WARS2: variants seen among roughly 807,000 people sequenced by gnomAD.
WARS2 encodes the protein tryptophanyl tRNA synthetase 2, mitochondrial.
A neutral mutation model predicts 36.5 loss-of-function variants in WARS2; 28 were observed. The ratio of observed to expected loss-of-function variants is 0.77; its 90% CI spans 0.57 to 1.05. WARS2 has a LOEUF of 1.05. Ranked by LOEUF, WARS2 falls within the 50% of genes least tolerant of loss-of-function variation. The pLI is 0.00. For missense variants in WARS2, 435 were observed against 456.8 expected, an observed-to-expected ratio of 0.95 and a Z score of 0.44; for synonymous variants, 174 against 178.4, an observed-to-expected ratio of 0.98 and a Z score of 0.20.
At chr1:119,042,404 A>C in intron 3 of WARS2, 55 bp from the exon 4 acceptor site, 1 of 1,519,048 alleles carries the variant, frequency 6.6e-7, no homozygotes, top group Non-Finnish European at 9.1e-7. Context: ...ACTTGAACCT[A>C]ATTATACTGC....
At chr1:119,085,625 A>G (rs1652591852) in intron 1 of WARS2, 1 of 1,440,746 alleles carries the variant, frequency 6.9e-7, no homozygotes, top group Non-Finnish European at 9.8e-7. Context: ...TAGACACATG[A>G]TCCACTCGGA....
At chr1:119,060,073 C>G (rs987468731) in intron 2 of WARS2, among the ~76,000 whole-genome samples, 1 of 152,124 alleles carries the variant, frequency 6.6e-6, no homozygotes, top group Non-Finnish European at 1.5e-5. Flanking sequence ...TGCACTTGTA[C>G]TCCTGAACTT....
chr1:119,139,486 T>C (rs1656778362), intron 1 of WARS2, among the ~76,000 whole-genome samples: 1 of 152,198 alleles, frequency 6.6e-6, no homozygotes, highest in African/African-American at 2.4e-5. Flanking sequence ...TGTCAATCAG[T>C]CCAGCTCTCT....
Position 119,076,467 on chromosome 1 carries a change from G to C in WARS2, c.231C>G (p.His77Gln), listed in dbSNP as rs766501807. Residue 77 changes from histidine to glutamine, a missense_variant, in exon 2 of 6, where the codon CAC (histidine) becomes CAG (glutamine). Coordinates refer to ENST00000235521, the MANE Select transcript of WARS2 (RefSeq NM_015836.4). ...CTGGGTCTTGGGGGACAGTAATGGA[G>C]TGGAGGTCAACAATGCTGTATAATA... The part of the protein sequence containing the change: ...DSVLYSIVDL[H>Q]SITVPQDPAV... The C allele has an allele frequency of 7.4e-6, 12 of 1,614,058 alleles. No homozygotes were observed. The highest frequency in any genetic ancestry group is 1.0e-5 in the Non-Finnish European group (12 of 1,180,042).
Position 119,042,276 on chromosome 1 carries a change from A to G in WARS2, c.503T>C (p.Ile168Thr). 1 of 1,613,926 alleles carries G rather than the reference A, an allele frequency of 6.2e-7. No homozygotes were observed. Among genetic ancestry groups the G allele is most frequent in the African/African-American group, 1.3e-5 (1 of 75,012 alleles). Reference sequence around the variant, plus strand: ...ACTCTCTTCTTACTTGTACAACAGAATGTCGGCTGCCTGGAGTACTGGGTA... The same window carrying G: ...ACTCTCTTCTTACTTGTACAACAGAGTGTCGGCTGCCTGGAGTACTGGGTA... ...LTYPVLQAADILLYKSTHVPV... is the reference protein window; with the variant it reads ...LTYPVLQAADTLLYKSTHVPV... Residue 168 changes from isoleucine (I) to threonine (T), a missense_variant, in exon 4 of 6, where the codon ATT becomes ACT. Transcript: ENST00000235521.
intron 1 of WARS2, among the ~76,000 whole-genome samples, chr1:119,078,373 G>A (rs943953157): frequency 3.3e-5 from 5 of 152,148 alleles, no homozygotes; most frequent in South Asian, 2.1e-4. Flanking sequence ...TAGAATTGCC[G>A]AGTCATAAGG....
intron 1 of WARS2, chr1:119,085,052 G>A: frequency 1.4e-6 from 1 of 700,998 alleles, no homozygotes; most frequent in Non-Finnish European, 2.6e-6. Flanking sequence ...GGCAGCGCTG[G>A]GTCCTTTTAT....
chr1:119,086,067 C>G, intron 1 of WARS2: 1 of 1,161,898 alleles, frequency 8.6e-7, no homozygotes. Context: ...GCTATCTTGC[C>G]CAGATTGGTC....
At chr1:119,105,115 G>C (rs1345325028) in intron 1 of WARS2, among the ~76,000 whole-genome samples, 15 of 152,154 alleles carry the variant, frequency 9.9e-5, no homozygotes, top group Non-Finnish European at 5.9e-5. Flanking sequence ...AGCAAATGGA[G>C]AGATGTGGAC....
chr1:119,070,307 G>A (rs373677103), intron 2 of WARS2, among the ~76,000 whole-genome samples: 2 of 151,988 alleles, frequency 1.3e-5, no homozygotes, highest in African/African-American at 2.4e-5. Context: ...TGTCACCCAG[G>A]CTGGAGTGCA....
chr1:119,063,990 G>A (rs567633584), intron 2 of WARS2: 4 of 152,244 alleles, frequency 2.6e-5, no homozygotes, highest in Non-Finnish European at 5.9e-5. Context: ...TAGACCCACC[G>A]ACAGCTTGCA....
At chr1:119,085,212 C>T in intron 1 of WARS2, 1 of 832,950 alleles carries the variant, frequency 1.2e-6, no homozygotes, top group African/African-American at 1.7e-5. Context: ...GCTTGAGGAC[C>T]TGTGCTCGTG....
chr1:119,042,773 T>A (rs1648481225), intron 3 of WARS2, among the ~76,000 whole-genome samples: 1 of 152,020 alleles, frequency 6.6e-6, no homozygotes, highest in Non-Finnish European at 1.5e-5. Context: ...TTCCAAAAAG[T>A]CTCACAGCAT....
At chr1:119,126,573 T>C (rs1244898770) in intron 1 of WARS2, 1 of 636,834 alleles carries the variant, frequency 1.6e-6, no homozygotes, top group African/African-American at 1.8e-5. Context: ...TTCATATCCA[T>C]CAGTTCGTTC....
chr1:119,132,458 A>G (rs1464291342), intron 1 of WARS2, among the ~76,000 whole-genome samples: 1 of 152,062 alleles, frequency 6.6e-6, no homozygotes, highest in East Asian at 1.9e-4. Context: ...CCAACTTCGC[A>G]CTGCACACTT....
At chr1:119,115,125 T>C (rs1654878910) in intron 1 of WARS2, among the ~76,000 whole-genome samples, 1 of 152,156 alleles carries the variant, frequency 6.6e-6, no homozygotes, top group African/African-American at 2.4e-5. Flanking sequence ...TTAAATAATG[T>C]CAATATTAAT....
intron 2 of WARS2, among the ~76,000 whole-genome samples, chr1:119,055,742 G>C (rs1476498758): frequency 6.6e-6 from 1 of 151,080 alleles, no homozygotes; most frequent in Non-Finnish European, 1.5e-5. Context: ...GAAGAGGGAG[G>C]GAGGGAGGAA....
intron 1 of WARS2, among the ~76,000 whole-genome samples, chr1:119,120,646 T>C (rs947822635): frequency 1.2e-4 from 18 of 150,742 alleles, no homozygotes; most frequent in Admixed American, 9.9e-4. Flanking sequence ...TGCAAAAATC[T>C]TCTATAGCTA....
At chr1:119,084,969 T>G (rs1159075119) in intron 1 of WARS2, 3 of 456,874 alleles carry the variant, frequency 6.6e-6, no homozygotes, top group African/African-American at 5.9e-5. Flanking sequence ...CATAATTATT[T>G]CCAAATCTAC....
Sources: allele counts gnomAD v4.1 joint callset (sites outside exome capture counted in the v4.1 genomes callset), GRCh38; gene constraint gnomAD v4.1.1; transcripts MANE v1.5; gene names NCBI Gene and HGNC (gene_info 2026-07-23, HGNC 2026-07-21).